The following ZNF385B variants were observed in gnomAD, a reference collection of about 807,000 sequenced individuals.
The protein encoded by ZNF385B is zinc finger protein 533.
In ZNF385B, 23 loss-of-function variants were observed where a neutral mutation model predicts 39.2. The observed-to-expected ratio is 0.59, with a 90% CI of 0.42 to 0.83. The LOEUF (loss-of-function observed/expected upper bound fraction) is 0.83, where lower values mean the gene tolerates loss of function less well. Among genes scored for constraint, ZNF385B ranks in the 40% least tolerant of loss-of-function variants. ZNF385B has a pLI of 0.00. For missense variants in ZNF385B, 552 were observed against 598.9 expected (o/e 0.92, Z 0.82); for synonymous variants, 205 against 222.6 (o/e 0.92, Z 0.70).
intron 6 of ZNF385B, among the ~76,000 whole-genome samples, chr2:179,467,994 A>G (rs1025808454): frequency 6.6e-6 from 1 of 152,148 alleles, no homozygotes; most frequent in African/African-American, 2.4e-5. Context: ...GCCTCTATCA[A>G]TCAGGTTCTG....
intron 5 of ZNF385B, among the ~76,000 whole-genome samples, chr2:179,487,039 A>C (rs183195084): frequency 4.6e-5 from 7 of 152,368 alleles, no homozygotes; most frequent in South Asian, 2.1e-4. Flanking sequence ...GTGCAGCGTT[A>C]CTTTAGTGCC....
intron 1 of ZNF385B, among the ~76,000 whole-genome samples, chr2:179,835,984 G>A (rs1708228465): frequency 6.6e-6 from 1 of 152,122 alleles, no homozygotes; most frequent in African/African-American, 2.4e-5. Flanking sequence ...TAAATAAAAT[G>A]TGATACATAC....
intron 3 of ZNF385B, among the ~76,000 whole-genome samples, chr2:179,653,100 C>T (rs184767792): frequency 4.4e-4 from 67 of 152,134 alleles, no homozygotes; most frequent in African/African-American, 1.5e-3. Context: ...CATAGAAGAA[C>T]GAAAACAGTT....
At chr2:179,721,555 C>T (rs949370946) in intron 3 of ZNF385B, among the ~76,000 whole-genome samples, 1 of 151,884 alleles carries the variant, frequency 6.6e-6, no homozygotes, top group Non-Finnish European at 1.5e-5. Flanking sequence ...ACAGGTTGAA[C>T]AAAATCATCA....
intron 5 of ZNF385B, among the ~76,000 whole-genome samples, chr2:179,516,283 T>C (rs1317023063): frequency 6.6e-6 from 1 of 152,160 alleles, no homozygotes; most frequent in Non-Finnish European, 1.5e-5. Flanking sequence ...CTTGGGGATA[T>C]ACTTAGAAGT....
At chr2:179,662,433 T>A (rs1559050293) in intron 3 of ZNF385B, among the ~76,000 whole-genome samples, 1 of 151,972 alleles carries the variant, frequency 6.6e-6, no homozygotes, top group East Asian at 1.9e-4. Flanking sequence ...TTTCTGTTGT[T>A]TAAGGCATTC....
chr2:179,559,791 A>C (rs1443712635), intron 3 of ZNF385B, among the ~76,000 whole-genome samples: 1 of 151,580 alleles, frequency 6.6e-6, no homozygotes, highest in African/African-American at 2.4e-5. Context: ...CCTAAAATCC[A>C]CTCTTAGAAA....
intron 5 of ZNF385B, among the ~76,000 whole-genome samples, chr2:179,514,729 A>G (rs1159653980): frequency 6.6e-6 from 1 of 151,922 alleles, no homozygotes; most frequent in Admixed American, 6.6e-5. Flanking sequence ...AGGGAATGAC[A>G]TGGAGGTTGG....
At chr2:179,769,893 G>C in intron 2 of ZNF385B, 91 bp from the exon 3 acceptor site, 2 of 1,292,682 alleles carry the variant, frequency 1.5e-6, no homozygotes, top group Non-Finnish European at 2.1e-6. Flanking sequence ...GTTTGTTTAA[G>C]CTAAAAGTTG....
chr2:179,741,813 A>C (rs1297272397), intron 3 of ZNF385B, among the ~76,000 whole-genome samples: 3 of 152,096 alleles, frequency 2.0e-5, no homozygotes, highest in Non-Finnish European at 4.4e-5. Context: ...ATTTTCTTCT[A>C]GGTCAAGTTT....
intron 1 of ZNF385B, among the ~76,000 whole-genome samples, chr2:179,847,629 T>C (rs114280672): frequency 0.091 from 13,875 of 152,256 alleles, 839 homozygotes; most frequent in Non-Finnish European, 0.13. Context: ...CTTTTGGTTT[T>C]GTAGTAGCAG....
intron 3 of ZNF385B, among the ~76,000 whole-genome samples, chr2:179,719,454 T>C (rs574308065): frequency 6.6e-6 from 1 of 152,224 alleles, no homozygotes; most frequent in African/African-American, 2.4e-5. Flanking sequence ...TTTTACACTA[T>C]GTTTTCCCCA....
chr2:179,473,913 T>C (rs2053112641), intron 6 of ZNF385B, among the ~76,000 whole-genome samples: 1 of 152,146 alleles, frequency 6.6e-6, no homozygotes, highest in Non-Finnish European at 1.5e-5. Flanking sequence ...ACCCCCACTT[T>C]ACAGATGAAG....
chr2:179,616,730 T>C (rs1014257836), intron 3 of ZNF385B, among the ~76,000 whole-genome samples: 5 of 152,142 alleles, frequency 3.3e-5, no homozygotes, highest in Non-Finnish European at 7.4e-5. Flanking sequence ...CGGCTAATTT[T>C]TTTTATTTTC....
intron 3 of ZNF385B, among the ~76,000 whole-genome samples, chr2:179,706,453 C>G (rs1222483807): frequency 6.6e-6 from 1 of 152,050 alleles, no homozygotes; most frequent in Non-Finnish European, 1.5e-5. Context: ...ACTAGGGCAT[C>G]AAAGAAAATC....
intron 3 of ZNF385B, among the ~76,000 whole-genome samples, chr2:179,619,038 AT>A (rs1213056425): frequency 1.3e-5 from 2 of 152,326 alleles, no homozygotes; most frequent in Admixed American, 6.5e-5. Flanking sequence ...TTAAAACATG[AT>A]TTAAAAAAAA....
Position 179,517,327 on chromosome 2 carries a change from T to C in ZNF385B, c.552+1201A>G, listed in dbSNP as rs1019286067. Among the ~76,000 whole-genome samples the C allele has an allele frequency of 3.9e-5, 6 of 151,918 alleles. 1 individual carries two copies. Among genetic ancestry groups the C allele is most frequent in the Admixed American group, 1.3e-4 (2 of 15,236 alleles). On this transcript the variant is annotated intron_variant, in intron 5 of 9. Transcript: ENST00000410066. ...GGATTGTGCTGGATCTATAGATCAA[T>C]TGGGGAAGAACTAACATCTTAACAA...
At chr2:179,737,430 G>GC (rs1410685765) in intron 3 of ZNF385B, among the ~76,000 whole-genome samples, 2 of 151,870 alleles carry the variant, frequency 1.3e-5, no homozygotes, top group African/African-American at 4.8e-5. Flanking sequence ...TCTTTATGTG[G>GC]CCCCCACCTA....
At chr2:179,611,754 GTA>G (rs1689307048) in intron 3 of ZNF385B, among the ~76,000 whole-genome samples, 1 of 152,102 alleles carries the variant, frequency 6.6e-6, no homozygotes, top group East Asian at 1.9e-4. Flanking sequence ...TTCAATCTTG[GTA>G]GGTTGTATGT....
Sources: gnomAD v4.1 joint callset for allele counts (sites outside exome capture counted in the v4.1 genomes callset) on GRCh38, gnomAD v4.1.1 for gene constraint, MANE v1.5 for transcripts, NCBI Gene and HGNC (gene_info 2026-07-23, HGNC 2026-07-21) for gene names.